The following RB1 variants were observed in gnomAD, a reference collection of about 807,000 sequenced individuals.
RB1 encodes the protein retinoblastoma-associated protein.
A neutral mutation model predicts 135.4 loss-of-function variants in RB1; 18 were observed. The ratio of observed to expected loss-of-function variants is 0.13; its 90% CI spans 0.09 to 0.20. RB1 has a LOEUF of 0.20. Ranked by LOEUF, RB1 falls within the 10% of genes least tolerant of loss-of-function variation. The probability of loss-of-function intolerance (pLI) is 1.00; values close to 1 mark genes in which losing one functional copy is unlikely to be tolerated. For synonymous variants in RB1, 365 were observed against 373.2 expected (o/e 0.98, Z 0.25); for missense variants, 868 against 1,110.0 (o/e 0.78, Z 3.10).
At chr13:48,320,055 C>G in intron 2 of RB1, 1 of 537,180 alleles carries the variant, frequency 1.9e-6, no homozygotes, top group Non-Finnish European at 3.3e-6. Context: ...TGTGCGGCTC[C>G]ACTCTTTGCC....
intron 17 of RB1, among the ~76,000 whole-genome samples, chr13:48,422,982 T>G (rs1474377712): frequency 7.2e-5 from 11 of 151,870 alleles, no homozygotes. Context: ...TTCCAAAAAT[T>G]AGCCAAGTGT....
chr13:48,331,310 T>C (rs1246030221), intron 2 of RB1, among the ~76,000 whole-genome samples: 1 of 152,204 alleles, frequency 6.6e-6, no homozygotes. Context: ...AAAAGACATT[T>C]GCTACAGTTT....
intron 2 of RB1, chr13:48,317,327 C>T (rs1210456410): frequency 7.6e-6 from 3 of 393,410 alleles, no homozygotes; most frequent in Non-Finnish European, 1.4e-5. Context: ...GACCCCTTGT[C>T]TTTCCCGCTC....
At chr13:48,409,417 T>C (rs1948770031) in intron 17 of RB1, among the ~76,000 whole-genome samples, 1 of 152,008 alleles carries the variant, frequency 6.6e-6, no homozygotes, top group African/African-American at 2.4e-5. Context: ...AAAATCAAAT[T>C]TATGTCTTAA....
At chr13:48,389,979 C>G (rs187480207) in intron 17 of RB1, among the ~76,000 whole-genome samples, 31 of 152,164 alleles carry the variant, frequency 2.0e-4, no homozygotes, top group African/African-American at 7.2e-4. Flanking sequence ...ATAGGGAGAC[C>G]CTGTCTCTAC....
rs1211181689 is a variant in RB1 at position 48,379,665 on chromosome 13, A to G, written c.1389+15A>G. 1.2e-6 allele frequency: 2 copies of G among 1,608,296 alleles called. No individual in the cohort carries two copies. Among genetic ancestry groups the G allele is most frequent in the Non-Finnish European group, 8.5e-7 (1 of 1,177,672 alleles). ...TGCTTAAATCAGTAAGTTAAAAACAATATAAAAAAATTTCAGCCGGGCGCG... is the reference window on the plus strand; with the variant it reads ...TGCTTAAATCAGTAAGTTAAAAACAGTATAAAAAAATTTCAGCCGGGCGCG... On this transcript the variant is annotated intron_variant, in intron 14 of 26. Coordinates refer to ENST00000267163, the MANE Select transcript of RB1 (RefSeq NM_000321.3).
intron 2 of RB1, among the ~76,000 whole-genome samples, chr13:48,309,622 A>G (rs1009784332): frequency 6.6e-6 from 1 of 152,134 alleles, no homozygotes; most frequent in Non-Finnish European, 1.5e-5. Context: ...CTCTTCCTAA[A>G]ATACTAGATT....
At chr13:48,349,104 T>G in intron 6 of RB1, 81 bp downstream of exon 6, 4 of 1,426,688 alleles carry the variant, frequency 2.8e-6, no homozygotes, top group Non-Finnish European at 3.8e-6. Flanking sequence ...AATTCCCCAA[T>G]TTTTATTGAG....
At chr13:48,401,847 C>T (rs1007500796) in intron 17 of RB1, among the ~76,000 whole-genome samples, 5 of 152,128 alleles carry the variant, frequency 3.3e-5, no homozygotes, top group African/African-American at 9.7e-5. Context: ...CTAAATATAA[C>T]AACAAATTTA....
intron 17 of RB1, among the ~76,000 whole-genome samples, chr13:48,437,640 AT>A (rs924933419): frequency 7.9e-5 from 12 of 151,820 alleles, no homozygotes; most frequent in Admixed American, 4.6e-4. Context: ...CAGGGGCTTC[AT>A]TTTTTTTGCC....
intron 2 of RB1, chr13:48,320,260 C>T (rs1394953585): frequency 1.7e-6 from 2 of 1,166,288 alleles, no homozygotes; most frequent in East Asian, 2.4e-5. Context: ...TGCCCTGTGG[C>T]CCCTCTGTGC....
intron 5 of RB1, among the ~76,000 whole-genome samples, chr13:48,348,269 A>G (rs1477175268): frequency 2.0e-5 from 3 of 152,004 alleles, no homozygotes; most frequent in Non-Finnish European, 2.9e-5. Flanking sequence ...TGTATAATGC[A>G]TGCTCTAACA....
At chr13:48,310,846 C>CT (rs1952124030) in intron 2 of RB1, among the ~76,000 whole-genome samples, 1 of 151,858 alleles carries the variant, frequency 6.6e-6, no homozygotes, top group African/African-American at 2.4e-5. Flanking sequence ...AAAGTGTTTT[C>CT]TTTTTTTAAA....
chr13:48,465,167 CATT>C, intron 22 of RB1, 35 bp from the exon 23 acceptor site: 9 of 1,613,322 alleles, frequency 5.6e-6, no homozygotes, highest in Non-Finnish European at 7.6e-6. Context: ...TCCACCAAAA[CATT>C]AAATAAATAA....
At chr13:48,434,614 G>T (rs1949163834) in intron 17 of RB1, among the ~76,000 whole-genome samples, 1 of 152,096 alleles carries the variant, frequency 6.6e-6, no homozygotes, top group Non-Finnish European at 1.5e-5. Flanking sequence ...GGCCTGTAGA[G>T]AGACACTATT....
intron 17 of RB1, among the ~76,000 whole-genome samples, chr13:48,419,337 A>G (rs545450163): frequency 7.5e-4 from 114 of 152,326 alleles, no homozygotes; most frequent in African/African-American, 2.5e-3. Context: ...TTTGAAACCA[A>G]TGAGAACCAA....
At chr13:48,419,981 C>A (rs922258331) in intron 17 of RB1, among the ~76,000 whole-genome samples, 3 of 152,134 alleles carry the variant, frequency 2.0e-5, no homozygotes, top group Admixed American at 1.3e-4. Context: ...TGGTACTATT[C>A]CTTCTGAAAC....
At chr13:48,320,686 C>G (rs1952227178) in intron 2 of RB1, among the ~76,000 whole-genome samples, 1 of 152,032 alleles carries the variant, frequency 6.6e-6, no homozygotes, top group Non-Finnish European at 1.5e-5. Context: ...CAAAAATTAG[C>G]CGGGCGTGGT....
intron 17 of RB1, among the ~76,000 whole-genome samples, chr13:48,401,029 A>G (rs1948687381): frequency 6.6e-6 from 1 of 152,108 alleles, no homozygotes; most frequent in Admixed American, 6.5e-5. Context: ...AAGTATGGGC[A>G]GTGTTCACTG....
Sources: gnomAD v4.1 joint callset for allele counts (sites outside exome capture counted in the v4.1 genomes callset) on GRCh38, gnomAD v4.1.1 for gene constraint, MANE v1.5 for transcripts, NCBI Gene and HGNC (gene_info 2026-07-23, HGNC 2026-07-21) for gene names.